The following ATP8B4 variants were observed in gnomAD, a reference collection of about 807,000 sequenced individuals.
ATP8B4 encodes the protein ATPase phospholipid transporting 8B4 (putative), also known as probable phospholipid-transporting ATPase IM.
A neutral mutation model predicts 145.6 loss-of-function variants in ATP8B4; 133 were observed. The observed-to-expected ratio is 0.91, with a 90% CI of 0.79 to 1.05. ATP8B4 has a LOEUF of 1.05. ATP8B4 is among the 50% of genes least tolerant of loss of function. ATP8B4 has a pLI of 0.00. For synonymous variants in ATP8B4, 507 were observed against 492.9 expected (o/e 1.03, Z -0.38); for missense variants, 1,458 against 1,425.2 (o/e 1.02, Z -0.37).
chr15:50,115,351 T>C (rs1266989812), intron 1 of ATP8B4, among the ~76,000 whole-genome samples: 1 of 150,798 alleles, frequency 6.6e-6, no homozygotes, highest in Admixed American at 6.6e-5. Context: ...AATAAATAAA[T>C]AAAAATTTTA....
At chr15:49,932,330 G>A (rs1346658249) in intron 15 of ATP8B4, among the ~76,000 whole-genome samples, 1 of 151,672 alleles carries the variant, frequency 6.6e-6, no homozygotes, top group African/African-American at 2.4e-5. Flanking sequence ...CCTCTGTAGG[G>A]GTGAGACTGG....
intron 1 of ATP8B4, among the ~76,000 whole-genome samples, chr15:50,168,003 A>T (rs2044618611): frequency 6.6e-6 from 1 of 152,206 alleles, no homozygotes; most frequent in Admixed American, 6.5e-5. Context: ...GTGGCACTCA[A>T]TTCCATAGGA....
chr15:49,920,103 C>T, intron 18 of ATP8B4, 143 bp downstream of exon 18: 1 of 1,128,856 alleles, frequency 8.9e-7, no homozygotes. Flanking sequence ...TCAAAGCCAA[C>T]ATATAAAGCA....
intron 1 of ATP8B4, among the ~76,000 whole-genome samples, chr15:50,118,007 G>A (rs146435437): frequency 7.2e-5 from 11 of 152,302 alleles, no homozygotes; most frequent in Non-Finnish European, 1.3e-4. Context: ...GGAAGGGGAA[G>A]AGGAAGAAGG....
At chr15:49,892,625 A>G (rs2036954185) in intron 23 of ATP8B4, among the ~76,000 whole-genome samples, 2 of 152,218 alleles carry the variant, frequency 1.3e-5, no homozygotes. Flanking sequence ...CCATTCCACA[A>G]TGTCCCAAAG....
chr15:50,050,729 G>GTTTAATATGTTTTATATAAAACATA (rs1251191963), intron 3 of ATP8B4, among the ~76,000 whole-genome samples: 19 of 148,214 alleles, frequency 1.3e-4, no homozygotes, highest in South Asian at 6.3e-4. Context: ...ATTTTTTCAG[G>GTTTAATATGTTTTATATAAAACATA]TTTAATATGT....
chr15:49,913,082 G>A (rs1007118630), intron 20 of ATP8B4, among the ~76,000 whole-genome samples: 3 of 150,922 alleles, frequency 2.0e-5, no homozygotes, highest in East Asian at 1.9e-4. Flanking sequence ...AGTGAGCTAC[G>A]ATTGCACCAC....
chr15:50,129,221 C>T (rs8036777), intron 1 of ATP8B4, among the ~76,000 whole-genome samples: 73,166 of 151,856 alleles, frequency 0.48, 18,871 homozygotes, highest in African/African-American at 0.66. Flanking sequence ...AAATTCATAT[C>T]AAGAACGCTG....
chr15:49,874,156 G>A (rs1275676331), intron 25 of ATP8B4, among the ~76,000 whole-genome samples: 1 of 152,194 alleles, frequency 6.6e-6, no homozygotes, highest in African/African-American at 2.4e-5. Flanking sequence ...CACTGCCTTC[G>A]TGAAGGTTAC....
intron 14 of ATP8B4, among the ~76,000 whole-genome samples, chr15:49,958,780 AG>A (rs1235929654): frequency 1.3e-5 from 2 of 151,988 alleles, no homozygotes; most frequent in African/African-American, 4.8e-5. Flanking sequence ...CAAAAGAGAT[AG>A]AAATTCTAAA....
intron 14 of ATP8B4, among the ~76,000 whole-genome samples, chr15:49,950,013 CT>C (rs2042924960): frequency 6.6e-6 from 1 of 152,160 alleles, no homozygotes; most frequent in Admixed American, 6.5e-5. Flanking sequence ...ATGAAGCTGA[CT>C]TGATCATGGT....
chr15:49,970,521 A>G (rs1022429209), intron 13 of ATP8B4, among the ~76,000 whole-genome samples: 2 of 152,216 alleles, frequency 1.3e-5, no homozygotes, highest in Non-Finnish European at 2.9e-5. Flanking sequence ...TCCCATTCAC[A>G]ATAGCTACAA....
intron 1 of ATP8B4, among the ~76,000 whole-genome samples, chr15:50,174,247 A>G (rs1797318): frequency 0.9 from 137,176 of 152,164 alleles, 62,033 homozygotes; most frequent in East Asian, 0.95. Flanking sequence ...ACAAGGATGC[A>G]CACTGTCACC....
chr15:49,882,605 T>C (rs902554623), intron 23 of ATP8B4, among the ~76,000 whole-genome samples: 2 of 152,104 alleles, frequency 1.3e-5, no homozygotes, highest in Non-Finnish European at 2.9e-5. Context: ...AAACTACATA[T>C]AATATTGAGC....
At chr15:50,055,807 G>A (rs899050205) in intron 3 of ATP8B4, among the ~76,000 whole-genome samples, 1 of 152,178 alleles carries the variant, frequency 6.6e-6, no homozygotes, top group Non-Finnish European at 1.5e-5. Context: ...GTAGCCAAAA[G>A]GCATTTGTAC....
At chr15:49,918,209 A>G (rs1458761720) in intron 19 of ATP8B4, among the ~76,000 whole-genome samples, 1 of 152,248 alleles carries the variant, frequency 6.6e-6, no homozygotes, top group Non-Finnish European at 1.5e-5. Flanking sequence ...GAAACATAGT[A>G]GAACACGATG....
chr15:49,930,854 T>G (rs184534619), intron 16 of ATP8B4, among the ~76,000 whole-genome samples: 2 of 152,228 alleles, frequency 1.3e-5, no homozygotes, highest in African/African-American at 4.8e-5. Flanking sequence ...GGTTTATTTT[T>G]AAAATTTTTT....
intron 1 of ATP8B4, among the ~76,000 whole-genome samples, chr15:50,174,757 A>G (rs1329787974): frequency 6.6e-6 from 1 of 152,146 alleles, no homozygotes; most frequent in African/African-American, 2.4e-5. Flanking sequence ...TCCCCATCAG[A>G]ATACCACCAA....
chr15:50,094,370 G>A (rs759653863), intron 2 of ATP8B4, among the ~76,000 whole-genome samples: 21 of 152,046 alleles, frequency 1.4e-4, no homozygotes, highest in Non-Finnish European at 2.4e-4. Context: ...CATTTGGACT[G>A]AAATCATGCC....
Sources: allele counts gnomAD v4.1 joint callset (sites outside exome capture counted in the v4.1 genomes callset), GRCh38; gene constraint gnomAD v4.1.1; transcripts MANE v1.5; gene names NCBI Gene and HGNC (gene_info 2026-07-23, HGNC 2026-07-21).